Variants in STK33 observed in about 807,000 individuals in gnomAD.
STK33 encodes serine/threonine-protein kinase 33.
STK33 carries 52 observed loss-of-function variants against 58.0 expected under a neutral mutation model. The ratio of observed to expected loss-of-function variants is 0.90; its 90% CI spans 0.72 to 1.13. The LOEUF is 1.13. Ranked by LOEUF, STK33 falls within the 50% of genes most tolerant of loss-of-function variation. STK33 has a pLI of 0.00. For synonymous variants in STK33, 215 were observed against 200.1 expected, an observed-to-expected ratio of 1.07 and a Z score of -0.63; for missense variants, 630 against 604.2, an observed-to-expected ratio of 1.04 and a Z score of -0.45.
At chr11:8,376,835 C>T in the STK33 span, among the ~76,000 whole-genome samples, 5 of 151,972 alleles carry the variant, frequency 3.3e-5, no homozygotes, top group South Asian at 2.1e-4. Context: ...CCACCATGCC[C>T]GGCCGATTCT....
chr11:8,568,037 A>G (rs904328700), intron 1 of STK33, among the ~76,000 whole-genome samples: 1 of 152,206 alleles, frequency 6.6e-6, no homozygotes, highest in Non-Finnish European at 1.5e-5. Context: ...AATTATTTTC[A>G]GCTTACAGGA....
chr11:8,506,199 T>C (rs776724688), intron 1 of STK33, among the ~76,000 whole-genome samples: 11 of 152,210 alleles, frequency 7.2e-5, no homozygotes, highest in East Asian at 1.9e-4. Context: ...CTTTTTTCCA[T>C]ATGATAACCT....
At chr11:8,576,160 T>C (rs1327484447) in intron 1 of STK33, among the ~76,000 whole-genome samples, 2 of 152,060 alleles carry the variant, frequency 1.3e-5, no homozygotes, top group South Asian at 2.1e-4. Flanking sequence ...GAGGACTGAA[T>C]GGGGAGTTGA....
At chr11:8,458,930 G>A (rs1473228167) in intron 8 of STK33, among the ~76,000 whole-genome samples, 3 of 152,198 alleles carry the variant, frequency 2.0e-5, no homozygotes, top group African/African-American at 7.2e-5. Flanking sequence ...TTCCTATAGC[G>A]CAATTCAGAT....
intron 1 of STK33, among the ~76,000 whole-genome samples, chr11:8,483,578 A>T (rs1949995192): frequency 6.6e-6 from 1 of 152,172 alleles, no homozygotes. Context: ...GAGAGTGGCC[A>T]CCAAATTCAA....
At chr11:8,379,723 C>G in the STK33 span, among the ~76,000 whole-genome samples, 1 of 152,118 alleles carries the variant, frequency 6.6e-6, no homozygotes, top group South Asian at 2.1e-4. Context: ...TTTGTCACTT[C>G]AATATTAAGC....
intron 1 of STK33, among the ~76,000 whole-genome samples, chr11:8,517,683 C>T (rs888591658): frequency 5.9e-5 from 9 of 152,218 alleles, no homozygotes; most frequent in Middle Eastern, 3.4e-3. Flanking sequence ...ATGAGAACTA[C>T]GTGACGCATG....
At chr11:8,396,684 G>A (rs1212464084) in intron 15 of STK33, among the ~76,000 whole-genome samples, 5 of 152,218 alleles carry the variant, frequency 3.3e-5, no homozygotes, top group Non-Finnish European at 7.3e-5. Flanking sequence ...CCCGGGAAGC[G>A]CAAGGGGTCA....
At chr11:8,488,739 G>A (rs994844270) in intron 1 of STK33, among the ~76,000 whole-genome samples, 4 of 152,084 alleles carry the variant, frequency 2.6e-5, no homozygotes, top group Admixed American at 6.6e-5. Context: ...ACCCTGGGGA[G>A]GGGAGAGTAT....
At chr11:8,375,966 T>C in the STK33 span, among the ~76,000 whole-genome samples, 4 of 152,122 alleles carry the variant, frequency 2.6e-5, no homozygotes, top group East Asian at 3.9e-4. Context: ...GCCAGGAGAG[T>C]TGGGAAACTC....
At chr11:8,527,916 T>C (rs1954193752) in intron 1 of STK33, among the ~76,000 whole-genome samples, 1 of 152,236 alleles carries the variant, frequency 6.6e-6, no homozygotes, top group African/African-American at 2.4e-5. Context: ...AATTAAATAT[T>C]TGAATTATAT....
chr11:8,451,224 A>G (rs771474023), intron 11 of STK33, among the ~76,000 whole-genome samples: 12 of 152,230 alleles, frequency 7.9e-5, no homozygotes, highest in Non-Finnish European at 1.5e-4. Context: ...CACTCTTAGT[A>G]ACTAATTCTA....
rs537249783 is a variant in STK33, at chr11:8,578,129, C to T, written c.-466+15954G>A. ...CATACATATATATACGATTACAGTG[C>T]CTGATATGGAGCTCTGCTAATAGGA... On this transcript the variant is annotated intron_variant, in intron 1 of 15. Coordinates refer to ENST00000687296, the MANE Select transcript of STK33 (RefSeq NM_001352389.2). 3.3e-5 allele frequency among the ~76,000 whole-genome samples: 5 copies of T among 152,124 alleles called. No individual in the cohort carries two copies. The East Asian group carries it at 7.7e-4, about 23-fold the overall frequency.
chr11:8,557,461 A>T (rs1207928093), intron 1 of STK33, among the ~76,000 whole-genome samples: 1 of 152,054 alleles, frequency 6.6e-6, no homozygotes. Flanking sequence ...AAATCAGAAT[A>T]AAAACCTGTA....
chr11:8,574,943 G>T (rs541725332), intron 1 of STK33, among the ~76,000 whole-genome samples: 1 of 152,080 alleles, frequency 6.6e-6, no homozygotes, highest in Non-Finnish European at 1.5e-5. Flanking sequence ...TACAAAGGAG[G>T]CTGAGGCAGG....
intron 14 of STK33, among the ~76,000 whole-genome samples, chr11:8,418,961 T>C (rs1266546239): frequency 6.6e-6 from 1 of 152,106 alleles, no homozygotes; most frequent in Admixed American, 6.6e-5. Context: ...TTCTCGTGAA[T>C]TTAATTTCCT....
At chr11:8,568,154 T>A (rs1957570148) in intron 1 of STK33, among the ~76,000 whole-genome samples, 1 of 152,178 alleles carries the variant, frequency 6.6e-6, no homozygotes, top group African/African-American at 2.4e-5. Flanking sequence ...AACAATATGA[T>A]CACTAAATAA....
At chr11:8,508,748 T>C (rs1347950393) in intron 1 of STK33, among the ~76,000 whole-genome samples, 1 of 152,064 alleles carries the variant, frequency 6.6e-6, no homozygotes. Context: ...CAATGGAGAA[T>C]GGAAATGTGG....
At chr11:8,355,754 C>A in the STK33 span, among the ~76,000 whole-genome samples, 1 of 152,248 alleles carries the variant, frequency 6.6e-6, no homozygotes, top group Non-Finnish European at 1.5e-5. Flanking sequence ...AATACTAATA[C>A]TATCCACTGA....
Sources: gnomAD v4.1 joint callset for allele counts (sites outside exome capture counted in the v4.1 genomes callset) on GRCh38, gnomAD v4.1.1 for gene constraint, MANE v1.5 for transcripts, NCBI Gene and HGNC (gene_info 2026-07-23, HGNC 2026-07-21) for gene names.